Variants in CTNNA3 observed in about 807,000 individuals in gnomAD.
The protein encoded by CTNNA3 is catenin alpha 3, also known as catenin alpha-3.
Under a neutral mutation model 95.7 loss-of-function variants are expected in CTNNA3, and 76 were observed. The ratio of observed to expected loss-of-function variants is 0.79; its 90% confidence interval spans 0.66 to 0.96. CTNNA3 has a LOEUF of 0.96. Ranked by LOEUF, CTNNA3 falls within the 40% of genes least tolerant of loss-of-function variation. The pLI is 0.00. For missense variants in CTNNA3, 1,191 were observed against 1,089.8 expected (o/e 1.09, Z -1.31); for synonymous variants, 431 against 374.4 (o/e 1.15, Z -1.74).
intron 13 of CTNNA3, among the ~76,000 whole-genome samples, chr10:66,183,792 T>C (rs1031197635): frequency 2.0e-5 from 3 of 152,208 alleles, no homozygotes; most frequent in African/African-American, 7.2e-5. Flanking sequence ...TTGATACCAA[T>C]TATATACCAA....
At chr10:66,230,305 A>G (rs955790957) in intron 13 of CTNNA3, among the ~76,000 whole-genome samples, 1 of 152,136 alleles carries the variant, frequency 6.6e-6, no homozygotes, top group Admixed American at 6.6e-5. Context: ...AAGATCTTGT[A>G]GGACAGTCCC....
At chr10:66,903,358 G>C (rs1564754501) in intron 7 of CTNNA3, among the ~76,000 whole-genome samples, 1 of 152,076 alleles carries the variant, frequency 6.6e-6, no homozygotes, top group Non-Finnish European at 1.5e-5. Flanking sequence ...CAATAAACTA[G>C]GTATTGATGG....
At chr10:67,678,902 T>C (rs1362427722) in intron 1 of CTNNA3, among the ~76,000 whole-genome samples, 1 of 152,082 alleles carries the variant, frequency 6.6e-6, no homozygotes, top group Admixed American at 6.6e-5. Flanking sequence ...TAAGGTTGTG[T>C]TTGATGATGG....
At chr10:66,620,406 T>C (rs1052095219) in intron 10 of CTNNA3, among the ~76,000 whole-genome samples, 2 of 152,090 alleles carry the variant, frequency 1.3e-5, no homozygotes, top group Non-Finnish European at 2.9e-5. Context: ...GTCACCGAAT[T>C]AGAAAGCCAA....
chr10:66,381,668 C>G (rs534299124), intron 11 of CTNNA3, among the ~76,000 whole-genome samples: 1 of 151,922 alleles, frequency 6.6e-6, no homozygotes, highest in African/African-American at 2.4e-5. Flanking sequence ...TAAATTTAAC[C>G]CATATTAAGG....
intron 10 of CTNNA3, among the ~76,000 whole-genome samples, chr10:66,610,760 GCAATCC>G (rs1372768022): frequency 1.3e-5 from 2 of 152,100 alleles, no homozygotes; most frequent in Non-Finnish European, 2.9e-5. Flanking sequence ...ATATGATCCA[GCAATCC>G]CAATGCTGGA....
chr10:66,832,556 C>T (rs949548661), intron 7 of CTNNA3, among the ~76,000 whole-genome samples: 1 of 151,594 alleles, frequency 6.6e-6, no homozygotes, highest in South Asian at 2.1e-4. Flanking sequence ...AAGATATACA[C>T]GTTATAATTT....
intron 7 of CTNNA3, among the ~76,000 whole-genome samples, chr10:67,153,345 G>T (rs1296219940): frequency 6.6e-6 from 1 of 152,170 alleles, no homozygotes; most frequent in Non-Finnish European, 1.5e-5. Context: ...ATTGGTCAAA[G>T]GTGGGGGCCT....
chr10:67,196,907 T>A (rs539521902), intron 6 of CTNNA3, among the ~76,000 whole-genome samples: 5 of 152,080 alleles, frequency 3.3e-5, no homozygotes, highest in Non-Finnish European at 5.9e-5. Flanking sequence ...TTTGGAAATA[T>A]GTGTTTACAT....
intron 11 of CTNNA3, among the ~76,000 whole-genome samples, chr10:66,453,803 A>G (rs1387998685): frequency 1.3e-5 from 2 of 152,244 alleles, no homozygotes; most frequent in African/African-American, 4.8e-5. Flanking sequence ...CATTCTCCAT[A>G]GAAGGTAAAC....
chr10:66,108,602 A>T (rs1043053330), intron 13 of CTNNA3, among the ~76,000 whole-genome samples: 36 of 149,824 alleles, frequency 2.4e-4, no homozygotes, highest in Admixed American at 1.6e-3. Flanking sequence ...TTTTCTCTTC[A>T]TTTTTTTCCT....
At chr10:66,522,133 C>T (rs1014364298) in intron 10 of CTNNA3, among the ~76,000 whole-genome samples, 2 of 152,014 alleles carry the variant, frequency 1.3e-5, no homozygotes, top group African/African-American at 2.4e-5. Context: ...GGATGGGCTG[C>T]TTCTGTGAGC....
chr10:66,063,194 GTA>G (rs150710369), intron 15 of CTNNA3, among the ~76,000 whole-genome samples: 74 of 119,732 alleles, frequency 6.2e-4, no homozygotes, highest in Non-Finnish European at 6.6e-4. Flanking sequence ...CTGGATACAT[GTA>G]TATATATATA....
chr10:66,835,269 C>T (rs997184273), intron 7 of CTNNA3, among the ~76,000 whole-genome samples: 5 of 152,084 alleles, frequency 3.3e-5, no homozygotes, highest in Non-Finnish European at 7.4e-5. Flanking sequence ...GAATTCACAC[C>T]AAAGCAGATA....
chr10:67,222,098 T>C (rs1253669843), intron 5 of CTNNA3, among the ~76,000 whole-genome samples: 1 of 152,178 alleles, frequency 6.6e-6, no homozygotes, highest in East Asian at 1.9e-4. Flanking sequence ...ACTCTGGGAA[T>C]AATGTTGCAT....
Position 67,523,035 on chromosome 10 carries a change from T to C in CTNNA3, c.460-1074A>G, listed in dbSNP as rs142718949. 3.0e-3 allele frequency among the ~76,000 whole-genome samples: 461 copies of C among 152,310 alleles called. 1 individual carries two copies. The highest frequency in any genetic ancestry group is 5.3e-3 in the Non-Finnish European group (363 of 68,030). The stretch of plus-strand genomic sequence containing the variant: ...TATAATTAAGTTTCCAGGGAAATGA[T>C]TTGACCCTTACTATATCAAACTCTA... On this transcript the variant is annotated intron_variant, in intron 4 of 17. Transcript: ENST00000433211.
intron 11 of CTNNA3, among the ~76,000 whole-genome samples, chr10:66,475,493 T>G (rs1294524279): frequency 1.3e-5 from 2 of 151,980 alleles, no homozygotes; most frequent in South Asian, 2.1e-4. Flanking sequence ...TATTTTGCTG[T>G]GCAGAAGATA....
chr10:66,252,626 G>T (rs1359048079), intron 13 of CTNNA3, among the ~76,000 whole-genome samples: 2 of 152,150 alleles, frequency 1.3e-5, no homozygotes, highest in Non-Finnish European at 2.9e-5. Flanking sequence ...CGTAAACTGG[G>T]TTTAGAAAAT....
chr10:67,478,221 C>T (rs1177819338), intron 5 of CTNNA3, among the ~76,000 whole-genome samples: 5 of 152,096 alleles, frequency 3.3e-5, no homozygotes, highest in African/African-American at 4.8e-5. Flanking sequence ...ATCAAAATTT[C>T]TGTGAGAGGA....
Sources: allele counts gnomAD v4.1 joint callset (sites outside exome capture counted in the v4.1 genomes callset), GRCh38; gene constraint gnomAD v4.1.1; transcripts MANE v1.5; gene names NCBI Gene and HGNC (gene_info 2026-07-23, HGNC 2026-07-21).